Variants in EYA2 observed in about 807,000 individuals in gnomAD.
The protein encoded by EYA2 is EYA transcriptional coactivator and phosphatase 2, also known as protein phosphatase EYA2.
A neutral mutation model predicts 69.2 loss-of-function variants in EYA2; 31 were observed. That is an observed-to-expected ratio of 0.45 (90% CI 0.34 to 0.60). The LOEUF (loss-of-function observed/expected upper bound fraction) is 0.60. Among genes scored for constraint, EYA2 ranks in the 20% least tolerant of loss-of-function variants. The pLI is 0.02. For missense variants in EYA2, 622 were observed against 701.2 expected (o/e 0.89, Z 1.28); for synonymous variants, 257 against 279.4 (o/e 0.92, Z 0.80).
At chr20:47,155,687 A>G (rs550053292) in intron 10 of EYA2, among the ~76,000 whole-genome samples, 6 of 151,842 alleles carry the variant, frequency 4.0e-5, no homozygotes, top group East Asian at 4.0e-4. Context: ...GGTTTTTTCA[A>G]TCTCCATTTT....
At chr20:46,987,796 G>A (rs893117465) in intron 1 of EYA2, among the ~76,000 whole-genome samples, 1 of 151,334 alleles carries the variant, frequency 6.6e-6, no homozygotes, top group African/African-American at 2.4e-5. Context: ...GTGTGGTGGT[G>A]TGCACCTGTA....
chr20:47,143,375 G>T (rs1279041847), intron 10 of EYA2, among the ~76,000 whole-genome samples: 1 of 152,100 alleles, frequency 6.6e-6, no homozygotes, highest in Admixed American at 6.5e-5. Context: ...GCTTTCCTGT[G>T]CAGTTAACGG....
chr20:47,021,439 C>G (rs987460991), intron 5 of EYA2, among the ~76,000 whole-genome samples: 2 of 151,980 alleles, frequency 1.3e-5, no homozygotes, highest in African/African-American at 2.4e-5. Context: ...CCAGCCTGGC[C>G]AACATGGCAA....
Position 47,017,118 on chromosome 20 carries a change from C to T in EYA2, c.415+821C>T, listed in dbSNP as rs1333745124. 1.2e-4 allele frequency among the ~76,000 whole-genome samples: 18 copies of T among 152,338 alleles called. 1 individual carries two copies. The East Asian group carries it at 2.3e-3, about 20-fold the overall frequency. ...TACTGGGTTCTCCCATGCTCATCTC[C>T]ACTCTTTTACCATCCAAGAACCCTT... On this transcript the variant is annotated intron_variant, in intron 5 of 15. Coordinates refer to ENST00000327619, the MANE Select transcript of EYA2 (RefSeq NM_005244.5).
intron 1 of EYA2, among the ~76,000 whole-genome samples, chr20:46,908,153 C>T (rs1195053767): frequency 6.6e-6 from 1 of 152,178 alleles, no homozygotes; most frequent in African/African-American, 2.4e-5. Context: ...GTGCCAGGCC[C>T]TACTCTGGAC....
chr20:47,066,862 T>C (rs561424781), intron 5 of EYA2, among the ~76,000 whole-genome samples: 75 of 152,288 alleles, frequency 4.9e-4, no homozygotes, highest in Middle Eastern at 3.4e-3. Flanking sequence ...GGGCATTGTA[T>C]CAGCCAGAAG....
At chr20:46,975,771 C>T (rs530475762) in intron 1 of EYA2, among the ~76,000 whole-genome samples, 34 of 152,228 alleles carry the variant, frequency 2.2e-4, no homozygotes, top group African/African-American at 7.5e-4. Flanking sequence ...AAAAATTAGC[C>T]GGGCGTGGTT....
intron 15 of EYA2, among the ~76,000 whole-genome samples, chr20:47,185,824 A>T (rs931151253): frequency 2.6e-5 from 4 of 152,226 alleles, no homozygotes; most frequent in African/African-American, 9.6e-5. Flanking sequence ...ATACATTCAG[A>T]GGACTTTGCT....
chr20:46,950,605 C>T (rs768933962), intron 1 of EYA2, among the ~76,000 whole-genome samples: 16 of 152,350 alleles, frequency 1.1e-4, no homozygotes, highest in African/African-American at 2.2e-4. Context: ...CAGGCACATG[C>T]GCTTCCTTGA....
Position 47,172,696 on chromosome 20 carries a change from T to C in EYA2, c.1038-11T>C, listed in dbSNP as rs780111451. On this transcript the variant is annotated splice_polypyrimidine_tract_variant and intron_variant, in intron 11 of 15. Coordinates refer to ENST00000327619, the MANE Select transcript of EYA2 (RefSeq NM_005244.5). ...TGCACTAACACTGTCCCTCCCCTCC[T>C]CTCTCCGCAGCACATACAACTTCTC... The C allele has an allele frequency of 1.2e-6, 2 of 1,602,310 alleles. No homozygotes were observed. The highest frequency in any genetic ancestry group is 1.7e-6 in the Non-Finnish European group (2 of 1,173,926).
intron 1 of EYA2, among the ~76,000 whole-genome samples, chr20:46,942,713 TGAG>T (rs1177255713): frequency 1.3e-5 from 2 of 152,300 alleles, no homozygotes; most frequent in African/African-American, 4.8e-5. Context: ...ATCTATGAAA[TGAG>T]GACACTGACA....
At chr20:46,947,734 A>G (rs1472782332) in intron 1 of EYA2, among the ~76,000 whole-genome samples, 2 of 152,214 alleles carry the variant, frequency 1.3e-5, no homozygotes, top group Non-Finnish European at 2.9e-5. Context: ...AGCAGCTCAC[A>G]TGACCATAAC....
chr20:46,919,457 T>G (rs1433564924), intron 1 of EYA2, among the ~76,000 whole-genome samples: 1 of 152,272 alleles, frequency 6.6e-6, no homozygotes, highest in Non-Finnish European at 1.5e-5. Context: ...CCTTGCACTT[T>G]TATGTTATAA....
intron 11 of EYA2, among the ~76,000 whole-genome samples, chr20:47,171,049 C>G (rs966178898): frequency 1.3e-5 from 2 of 152,210 alleles, no homozygotes; most frequent in African/African-American, 2.4e-5. Context: ...AGCTCCAGCC[C>G]CACCAGGACT....
rs563169841 is a variant in EYA2 at position 46,990,053 on chromosome 20, G to A, written c.43G>A (p.Asp15Asn). ...VISPSLTVNSDCLDKLKFNRA... is the reference protein window; with the variant it reads ...VISPSLTVNSNCLDKLKFNRA... The stretch of plus-strand genomic sequence containing the variant: ...CTCACCCAGCCTCACTGTAAACAGC[G>A]ATTGTCTGGATAAACTGAAGTTTAA... Residue 15 changes from aspartate (D) to asparagine (N), a missense_variant, in exon 2 of 16, where the codon GAT becomes AAT. Physicochemically the swap from Asp to Asn is conservative, Grantham distance 23 (BLOSUM62 1). Coordinates refer to ENST00000327619, the MANE Select transcript of EYA2 (RefSeq NM_005244.5). 35 of 1,612,828 alleles carry A rather than the reference G, an allele frequency of 2.2e-5. No individual in the cohort carries two copies. Among genetic ancestry groups the A allele is most frequent in the Admixed American group, 2.0e-4 (12 of 60,012 alleles).
At chr20:46,974,860 C>T (rs1280696663) in intron 1 of EYA2, among the ~76,000 whole-genome samples, 2 of 152,106 alleles carry the variant, frequency 1.3e-5, no homozygotes, top group Non-Finnish European at 2.9e-5. Context: ...TGGTCCTGTC[C>T]GAGTCTGTCA....
At chr20:47,041,763 A>G (rs1434636466) in intron 5 of EYA2, among the ~76,000 whole-genome samples, 4 of 152,192 alleles carry the variant, frequency 2.6e-5, no homozygotes, top group Non-Finnish European at 5.9e-5. Flanking sequence ...CCCTCAGTCT[A>G]GTAAATGTTT....
intron 5 of EYA2, among the ~76,000 whole-genome samples, chr20:47,043,919 T>G (rs890725506): frequency 1.3e-5 from 2 of 152,240 alleles, no homozygotes; most frequent in Admixed American, 1.3e-4. Flanking sequence ...GATATAGATA[T>G]TGATAGTTCA....
Position 47,162,517 on chromosome 20 carries a change from C to CTTTTTTT in EYA2, c.979-6610_979-6604dup, listed in dbSNP as rs10634442. 8.1e-4 allele frequency among the ~76,000 whole-genome samples: 99 copies of CTTTTTTT among 121,570 alleles called. 2 individuals are homozygous for CTTTTTTT. Among genetic ancestry groups the CTTTTTTT allele is most frequent in the African/African-American group, 2.9e-3 (91 of 30,968 alleles). The allele number at this position is 121,570 out of a possible 152,430, so 79.8% of individuals were successfully genotyped here. A position where few individuals can be genotyped will look rare whatever the true frequency, so the allele number is the denominator to read the frequency against. ...AAAAGCAGTACATACACACATTATC[C>CTTTTTTT]TTTTTTTTTTTTTTTTTTGAGACAC... On this transcript the variant is annotated intron_variant, in intron 10 of 15. Coordinates refer to ENST00000327619, the MANE Select transcript of EYA2 (RefSeq NM_005244.5).
Sources: allele counts gnomAD v4.1 joint callset (sites outside exome capture counted in the v4.1 genomes callset), GRCh38; gene constraint gnomAD v4.1.1; transcripts MANE v1.5; gene names NCBI Gene and HGNC (gene_info 2026-07-23, HGNC 2026-07-21).